The following ACBD6 variants were observed in gnomAD, a reference collection of about 807,000 sequenced individuals.
ACBD6 encodes acyl-CoA-binding domain-containing protein 6.
A neutral mutation model predicts 37.2 loss-of-function variants in ACBD6; 28 were observed. The observed-to-expected ratio is 0.75, with a 90% CI of 0.56 to 1.03. The LOEUF is 1.03. ACBD6 is among the 50% of genes least tolerant of loss of function. The pLI is 0.00. For synonymous variants in ACBD6, 113 were observed against 126.8 expected (o/e 0.89, Z 0.73); for missense variants, 340 against 337.4 (o/e 1.01, Z -0.06).
At chr1:180,313,952 AT>A (rs572043407) in intron 7 of ACBD6, among the ~76,000 whole-genome samples, 2 of 152,146 alleles carry the variant, frequency 1.3e-5, no homozygotes, top group East Asian at 1.9e-4. Flanking sequence ...CATCTTACAG[AT>A]TTTTTTCTAT....
At chr1:180,429,525 T>C (rs1212479429) in intron 4 of ACBD6, among the ~76,000 whole-genome samples, 3 of 152,184 alleles carry the variant, frequency 2.0e-5, no homozygotes, top group East Asian at 1.9e-4. Flanking sequence ...CTTCCACCTA[T>C]TGGCTACTGT....
intron 6 of ACBD6, among the ~76,000 whole-genome samples, chr1:180,338,436 C>T (rs1365163438): frequency 6.6e-6 from 1 of 152,118 alleles, no homozygotes; most frequent in Non-Finnish European, 1.5e-5. Context: ...GAAAGGATTC[C>T]CTATTTAATA....
exon 14 of ACBD6, chr1:180,271,768 G>T (rs1648676285): frequency 1.9e-6 from 3 of 1,577,680 alleles, no homozygotes; most frequent in Non-Finnish European, 2.6e-6. Flanking sequence ...GCCCGCCTAG[G>T]GGGTCCTGGG....
intron 1 of ACBD6, among the ~76,000 whole-genome samples, chr1:180,496,136 C>T (rs1157663216): frequency 6.6e-6 from 1 of 151,988 alleles, no homozygotes; most frequent in Non-Finnish European, 1.5e-5. Flanking sequence ...TGTTTGAGGT[C>T]AATACTTAAT....
At chr1:180,401,582 G>A (rs148300494) in intron 5 of ACBD6, among the ~76,000 whole-genome samples, 6 of 151,966 alleles carry the variant, frequency 3.9e-5, no homozygotes, top group Admixed American at 1.3e-4. Flanking sequence ...TGAGGAGTTC[G>A]CAACAAGCCT....
chr1:180,466,627 A>T (rs1490209317), intron 3 of ACBD6, among the ~76,000 whole-genome samples: 1 of 152,222 alleles, frequency 6.6e-6, no homozygotes, highest in Non-Finnish European at 1.5e-5. Flanking sequence ...TTATTAAAAC[A>T]ATTGGGATAA....
At chr1:180,463,462 G>T (rs1650226895) in intron 3 of ACBD6, among the ~76,000 whole-genome samples, 2 of 151,990 alleles carry the variant, frequency 1.3e-5, no homozygotes. Flanking sequence ...TATAAGAAAT[G>T]GATAAATTCC....
At chr1:180,355,937 G>A (rs1652610672) in intron 6 of ACBD6, among the ~76,000 whole-genome samples, 1 of 151,458 alleles carries the variant, frequency 6.6e-6, no homozygotes, top group South Asian at 2.1e-4. Context: ...GCGTGATCTC[G>A]GCTCACTACA....
intron 6 of ACBD6, among the ~76,000 whole-genome samples, chr1:180,328,103 T>G (rs996208852): frequency 7.2e-5 from 11 of 152,202 alleles, no homozygotes; most frequent in African/African-American, 2.7e-4. Context: ...TCTTTAACAC[T>G]AAGCCACTGG....
At chr1:180,349,990 C>T (rs1171132376) in intron 6 of ACBD6, among the ~76,000 whole-genome samples, 1 of 148,412 alleles carries the variant, frequency 6.7e-6, no homozygotes, top group Non-Finnish European at 1.5e-5. Context: ...AATAATAGTA[C>T]AACTAAAGGT....
intron 8 of ACBD6, among the ~76,000 whole-genome samples, chr1:180,282,603 C>A (rs1312349936): frequency 6.6e-6 from 1 of 152,162 alleles, no homozygotes; most frequent in Non-Finnish European, 1.5e-5. Context: ...TTGAAGGTTG[C>A]CTCCTCACTG....
chr1:180,452,482 T>TAAG (rs765939881), intron 3 of ACBD6, among the ~76,000 whole-genome samples: 4 of 150,220 alleles, frequency 2.7e-5, no homozygotes, highest in African/African-American at 7.3e-5. Flanking sequence ...AAAAATTAAA[T>TAAG]AATAATAATA....
chr1:180,425,416 A>AGGT (rs1432447325), intron 4 of ACBD6, among the ~76,000 whole-genome samples: 1 of 152,212 alleles, frequency 6.6e-6, no homozygotes, highest in East Asian at 1.9e-4. Context: ...CCTATCACCA[A>AGGT]GGTGTTAACA....
chr1:180,427,661 G>A (rs1003941044), intron 4 of ACBD6, among the ~76,000 whole-genome samples: 1 of 152,088 alleles, frequency 6.6e-6, no homozygotes, highest in Non-Finnish European at 1.5e-5. Context: ...AGCGGCTCAC[G>A]CCTGTAATCC....
chr1:180,379,608 AC>A (rs894367630), intron 6 of ACBD6, among the ~76,000 whole-genome samples: 3 of 152,154 alleles, frequency 2.0e-5, no homozygotes, highest in Non-Finnish European at 2.9e-5. Flanking sequence ...TGAATAAAAT[AC>A]AAAATATATT....
chr1:180,434,676 A>G (rs1648949579), intron 3 of ACBD6: 1 of 412,254 alleles, frequency 2.4e-6, no homozygotes, highest in African/African-American at 2.1e-5. Flanking sequence ...ATGATAAGTC[A>G]CTGCTTCGAG....
chr1:180,343,285 T>G (rs1287024109), intron 6 of ACBD6, among the ~76,000 whole-genome samples: 1 of 152,060 alleles, frequency 6.6e-6, no homozygotes, highest in African/African-American at 2.4e-5. Flanking sequence ...TTATTCCACC[T>G]CCATATCCTG....
At chr1:180,407,287 C>G (rs73035587) in intron 5 of ACBD6, among the ~76,000 whole-genome samples, 5,736 of 152,230 alleles carry the variant, frequency 0.038, 305 homozygotes, top group African/African-American at 0.11. Context: ...TGAAATACAA[C>G]GTTCTGGCAG....
At chr1:180,381,138 T>C (rs1653631298) in intron 6 of ACBD6, among the ~76,000 whole-genome samples, 2 of 152,150 alleles carry the variant, frequency 1.3e-5, no homozygotes, top group African/African-American at 2.4e-5. Context: ...CATTATATAA[T>C]AATAAAGGAT....
Sources: allele counts gnomAD v4.1 joint callset (sites outside exome capture counted in the v4.1 genomes callset), GRCh38; gene constraint gnomAD v4.1.1; transcripts MANE v1.5; gene names NCBI Gene and HGNC (gene_info 2026-07-23, HGNC 2026-07-21).